Variants in CCDC66 observed in about 807,000 individuals in gnomAD.
The protein encoded by CCDC66 is coiled-coil domain containing 66.
CCDC66 carries 133 observed loss-of-function variants against 128.3 expected under a neutral mutation model. The ratio of observed to expected loss-of-function variants is 1.04; its 90% confidence interval spans 0.90 to 1.20. CCDC66 has a LOEUF of 1.20. Among genes scored for constraint, CCDC66 ranks in the 50% most tolerant of loss-of-function variants. CCDC66 has a pLI of 0.00. For synonymous variants in CCDC66, 387 were observed against 357.0 expected, an observed-to-expected ratio of 1.08 and a Z score of -0.95; for missense variants, 1,126 against 1,075.5, an observed-to-expected ratio of 1.05 and a Z score of -0.66.
intron 3 of CCDC66, among the ~76,000 whole-genome samples, chr3:56,562,796 G>C (rs985681549): frequency 6.6e-6 from 1 of 150,836 alleles, no homozygotes; most frequent in Admixed American, 6.6e-5. Context: ...CCACCACCAC[G>C]CCCAGCTAAT....
At chr3:56,610,990 C>A (rs2074717562) in intron 10 of CCDC66, among the ~76,000 whole-genome samples, 1 of 152,114 alleles carries the variant, frequency 6.6e-6, no homozygotes, top group African/African-American at 2.4e-5. Flanking sequence ...GCAGTGGACT[C>A]CGTGGGACTC....
chr3:56,571,300 A>G lies in CCDC66; in HGVS notation c.934A>G (p.Arg312Gly), dbSNP rs746779360. 1.3e-6 allele frequency: 2 copies of G among 1,499,990 alleles called. No homozygotes were observed. Among genetic ancestry groups the G allele is most frequent in the Non-Finnish European group, 1.8e-6 (2 of 1,098,776 alleles). 92.9% of individuals were successfully genotyped at this position (1,499,990 alleles called of 1,614,324 possible). Residue 312 changes from arginine to glycine, a missense_variant and splice_region_variant, in exon 7 of 18, where the codon AGG (arginine) becomes GGG (glycine). Physicochemically the swap from Arg to Gly is moderately radical, Grantham distance 125. Transcript: ENST00000394672. Reference protein sequence around the residue: ...WEKHQILDQSRETVLLEHPFS... With the variant: ...WEKHQILDQSGETVLLEHPFS... ...AAAACATCAAATTCTTGACCAATCT[A>G]GGGTAAGACATCTTAATTGCAATTT...
chr3:56,570,539 C>G (rs901864006), intron 6 of CCDC66: 1 of 155,044 alleles, frequency 6.4e-6, no homozygotes, highest in Non-Finnish European at 1.4e-5. Flanking sequence ...ATCACAAGGT[C>G]AGGAAATAGA....
chr3:56,597,777 G>GTTTTTTTTTTTTTTTTTTTT (rs3064563), intron 10 of CCDC66, among the ~76,000 whole-genome samples: 1,270 of 87,876 alleles, frequency 0.014, 126 homozygotes, highest in South Asian at 0.027. Context: ...TTGTTTTGGG[G>GTTTTTTTTTTTTTTTTTTTT]TTTTTTTTTT....
chr3:56,577,426 A>T (rs2067569676), intron 7 of CCDC66, among the ~76,000 whole-genome samples: 1 of 151,792 alleles, frequency 6.6e-6, no homozygotes, highest in Non-Finnish European at 1.5e-5. Context: ...CTTTAGTTTA[A>T]TTAGATCCCA....
chr3:56,621,180 C>CA (rs1559799789), intron 17 of CCDC66: 4 of 154,804 alleles, frequency 2.6e-5, no homozygotes, highest in Admixed American at 6.6e-5. Context: ...AAAACAACAA[C>CA]AACAAAAAAA....
At chr3:56,613,511 A>G (rs1559760511) in intron 10 of CCDC66, 78 bp from the exon 11 acceptor site, 1 of 1,518,744 alleles carries the variant, frequency 6.6e-7, no homozygotes, top group Non-Finnish European at 8.8e-7. Flanking sequence ...CACTGAATGT[A>G]TCTAGTCAGC....
chr3:56,619,377 T>C lies in CCDC66; in HGVS notation c.2485T>C (p.Ser829Pro), dbSNP rs112191014. 1.2e-6 allele frequency: 2 copies of C among 1,613,926 alleles called. No individual in the cohort carries two copies. The highest frequency in any genetic ancestry group is 8.5e-7 in the Non-Finnish European group (1 of 1,179,920). ...TAGCTATGAGAGAGAGAATTTGATC[T>C]CAGGAAGTAATCAAACAGAATTATC... is the stretch of plus-strand genomic sequence containing the variant. ...NSSYERENLI[S>P]GSNQTELSSG... Residue 829 changes from serine (S) to proline (P), a missense_variant, in exon 16 of 18, where the codon TCA becomes CCA. By Grantham distance (74) the Ser-to-Pro change is moderately conservative. Coordinates refer to ENST00000394672, the MANE Select transcript of CCDC66 (RefSeq NM_001141947.3).
intron 7 of CCDC66, 87 bp downstream of exon 7, chr3:56,571,389 T>G (rs199978403): frequency 8.3e-4 from 588 of 708,732 alleles, no homozygotes; most frequent in East Asian, 1.5e-3. Flanking sequence ...AAAAAAAAAG[T>G]TTTTTTTTTG....
chr3:56,604,284 T>G (rs1197397212), intron 10 of CCDC66, among the ~76,000 whole-genome samples: 1 of 151,984 alleles, frequency 6.6e-6, no homozygotes, highest in East Asian at 1.9e-4. Flanking sequence ...ACATTTAAGG[T>G]TTATATTGTT....
At chr3:56,610,627 G>T (rs576563097) in intron 10 of CCDC66, among the ~76,000 whole-genome samples, 1 of 152,112 alleles carries the variant, frequency 6.6e-6, no homozygotes, top group Non-Finnish European at 1.5e-5. Flanking sequence ...GTGATTTTTG[G>T]GGGGGTGTTG....
intron 7 of CCDC66, among the ~76,000 whole-genome samples, chr3:56,580,654 C>A (rs1484292507): frequency 6.6e-6 from 1 of 151,782 alleles, no homozygotes; most frequent in Admixed American, 6.6e-5. Context: ...GATTTTATTT[C>A]TCCTTCATTT....
rs1206623316 is a variant in CCDC66 at position 56,583,973 on chromosome 3, GC to G, written c.937-8991del. 1.4e-4 allele frequency among the ~76,000 whole-genome samples: 18 copies of G among 127,264 alleles called. 2 individuals are homozygous for G. The highest frequency in any genetic ancestry group is 2.4e-4 in the Admixed American group (3 of 12,548). 83.5% of individuals were successfully genotyped at this position (127,264 alleles called of 152,430 possible). A position where few individuals can be genotyped will look rare whatever the true frequency, so the allele number is the denominator to read the frequency against. ...CGGGGCGGCTGGCCGGGCGGGGGCT[GC>G]CCCCCACCTCCCTCCCGGACGGGGC... On this transcript the variant is annotated intron_variant, in intron 7 of 17. Coordinates refer to ENST00000394672, the MANE Select transcript of CCDC66 (RefSeq NM_001141947.3).
rs1188555804 is a variant in CCDC66, at chr3:56,566,748, A to T, written c.699A>T (p.Gln233His). ...AGGAGACATCTAAACAGTGTGAGCA[A>T]AAAATTGCCATGTATGTAACTCCTA... ...EHQETSKQCEQKIAIENEWKP... is the reference protein window; with the variant it reads ...EHQETSKQCEHKIAIENEWKP... Residue 233 changes from glutamine to histidine, a missense_variant, in exon 5 of 18, where the codon CAA becomes CAT. Coordinates refer to ENST00000394672, the MANE Select transcript of CCDC66 (RefSeq NM_001141947.3). 1 of 1,610,022 alleles carries T rather than the reference A, an allele frequency of 6.2e-7. No homozygotes were observed. The highest frequency in any genetic ancestry group is 8.5e-7 in the Non-Finnish European group (1 of 1,178,096).
At chr3:56,613,534 C>G in intron 10 of CCDC66, 55 bp from the exon 11 acceptor site, 1 of 1,571,480 alleles carries the variant, frequency 6.4e-7, no homozygotes, top group South Asian at 1.2e-5. Flanking sequence ...TCTTGAATTC[C>G]CTCCTGCTTA....
At chr3:56,565,225 T>C in intron 4 of CCDC66, 1 of 248,302 alleles carries the variant, frequency 4.0e-6, no homozygotes, top group Non-Finnish European at 8.7e-6. Flanking sequence ...TTTATCAAGA[T>C]ATTTGTATTC....
intron 3 of CCDC66, chr3:56,561,086 C>A (rs1055341822): frequency 1.2e-5 from 5 of 421,950 alleles, no homozygotes; most frequent in East Asian, 7.0e-5. Flanking sequence ...TAGTTATATA[C>A]CATGTATGCT....
intron 7 of CCDC66, among the ~76,000 whole-genome samples, chr3:56,581,088 G>T (rs879531936): frequency 6.6e-6 from 1 of 151,162 alleles, no homozygotes; most frequent in African/African-American, 2.4e-5. Flanking sequence ...CATATTTCTT[G>T]GAGGCTTTGT....
chr3:56,562,349 C>G (rs1457589593), intron 3 of CCDC66, among the ~76,000 whole-genome samples: 1 of 152,120 alleles, frequency 6.6e-6, no homozygotes, highest in Non-Finnish European at 1.5e-5. Flanking sequence ...TGTGCCCAGC[C>G]TCTCCTACAT....
Sources: gnomAD v4.1 joint callset for allele counts (sites outside exome capture counted in the v4.1 genomes callset) on GRCh38, gnomAD v4.1.1 for gene constraint, MANE v1.5 for transcripts, NCBI Gene and HGNC (gene_info 2026-07-23, HGNC 2026-07-21) for gene names.